ATP8A1: variants seen among roughly 807,000 people sequenced by gnomAD.
ATP8A1 encodes ATPase phospholipid transporting 8A1.
Under a neutral mutation model 177.7 loss-of-function variants are expected in ATP8A1, and 90 were observed. That is an observed-to-expected ratio of 0.51 (90% CI 0.43 to 0.60). The LOEUF (loss-of-function observed/expected upper bound fraction) is 0.60, where lower values mean the gene tolerates loss of function less well. Among genes scored for constraint, ATP8A1 ranks in the 20% least tolerant of loss-of-function variants. The pLI, the probability that ATP8A1 is intolerant of heterozygous loss-of-function variation, is 0.00. For synonymous variants in ATP8A1, 493 were observed against 485.9 expected (o/e 1.01, Z -0.19); for missense variants, 1,072 against 1,392.8 (o/e 0.77, Z 3.67).
At chr4:42,455,276 A>G (rs1718356399) in intron 29 of ATP8A1, 21 bp downstream of exon 29, 2 of 1,612,766 alleles carry the variant, frequency 1.2e-6, no homozygotes, top group Non-Finnish European at 1.7e-6. Flanking sequence ...AACATGTCCC[A>G]GCCAGGGCAC....
chr4:42,578,125 A>T, intron 12 of ATP8A1, 135 bp downstream of exon 12: 2 of 865,966 alleles, frequency 2.3e-6, no homozygotes, highest in Non-Finnish European at 3.2e-6. Flanking sequence ...ACTTTGCAAC[A>T]AATTAGGTTC....
At chr4:42,449,371 A>G (rs1717688015) in intron 30 of ATP8A1, among the ~76,000 whole-genome samples, 1 of 152,246 alleles carries the variant, frequency 6.6e-6, no homozygotes, top group African/African-American at 2.4e-5. Flanking sequence ...AACCTAGTGC[A>G]TGACGGTGAA....
chr4:42,538,307 T>C (rs915941324), intron 20 of ATP8A1, among the ~76,000 whole-genome samples: 3 of 152,102 alleles, frequency 2.0e-5, no homozygotes, highest in Non-Finnish European at 4.4e-5. Context: ...CCTGAAACCA[T>C]AAAAACTCTA....
chr4:42,455,412 G>C lies in ATP8A1; in HGVS notation c.2702C>G (p.Thr901Arg). ...TCCAAGAGTTAAAGGAGGCATTGCT[G>C]TAAACATCTAAAGCGCACAAACTGG... Reference protein sequence around the residue: ...WCIGLYNVMFTAMPPLTLGIF... With the variant: ...WCIGLYNVMFRAMPPLTLGIF... The change falls in exon 29 of 37, where the codon ACA becomes AGA. Residue 901 changes from threonine (T) to arginine (R), a missense_variant. By Grantham distance (71) the Thr-to-Arg change is moderately conservative. Around this residue, in one of 5 missense-constraint regions of ATP8A1, gnomAD observed 316 missense variants for 459.1 expected, o/e 0.69. Transcript: ENST00000381668. 1 of 1,613,892 alleles carries C rather than the reference G, an allele frequency of 6.2e-7. No individual in the cohort carries two copies. The highest frequency in any genetic ancestry group is 8.5e-7 in the Non-Finnish European group (1 of 1,179,806).
chr4:42,636,154 A>ACGCGCGCGCGTGCGCG, intron 1 of ATP8A1, among the ~76,000 whole-genome samples: 1 of 47,540 alleles, frequency 2.1e-5, no homozygotes, highest in South Asian at 7.5e-4. Flanking sequence ...ACACACACAC[A>ACGCGCGCGCGTGCGCG]CACGCACACA....
intron 1 of ATP8A1, among the ~76,000 whole-genome samples, chr4:42,642,047 CT>C (rs2109550438): frequency 6.6e-6 from 1 of 152,130 alleles, no homozygotes; most frequent in African/African-American, 2.4e-5. Flanking sequence ...AAACTAAAGT[CT>C]TCCTGCCCAT....
intron 24 of ATP8A1, among the ~76,000 whole-genome samples, chr4:42,488,626 G>A (rs10517036): frequency 0.2 from 29,904 of 152,134 alleles, 3,133 homozygotes; most frequent in Non-Finnish European, 0.23. Flanking sequence ...ACACAATAAA[G>A]TCTAAACTCC....
chr4:42,604,446 C>T (rs1425077539), intron 5 of ATP8A1, among the ~76,000 whole-genome samples: 1 of 145,996 alleles, frequency 6.8e-6, no homozygotes, highest in Non-Finnish European at 1.5e-5. Flanking sequence ...TCAGTAAGTA[C>T]TAACTGGGTG....
At chr4:42,574,023 T>C (rs188615902) in intron 14 of ATP8A1, among the ~76,000 whole-genome samples, 5 of 152,350 alleles carry the variant, frequency 3.3e-5, no homozygotes, top group Admixed American at 2.6e-4. Context: ...ATGGAACAGC[T>C]TGTAAGCATA....
intron 24 of ATP8A1, among the ~76,000 whole-genome samples, chr4:42,492,362 A>G (rs1338163820): frequency 1.3e-5 from 2 of 152,180 alleles, no homozygotes; most frequent in African/African-American, 4.8e-5. Context: ...ATGTATTTCT[A>G]TTATGGAATG....
chr4:42,507,237 A>C, intron 22 of ATP8A1, 83 bp from the exon 23 acceptor site: 1 of 1,350,084 alleles, frequency 7.4e-7, no homozygotes, highest in Non-Finnish European at 1.0e-6. Context: ...TATATGTTTT[A>C]AAATCAGAGA....
At chr4:42,466,031 CAAAAAAAAAAAAAA>C (rs57949092) in intron 25 of ATP8A1, among the ~76,000 whole-genome samples, 33 of 108,106 alleles carry the variant, frequency 3.1e-4, no homozygotes, top group South Asian at 3.2e-4. Context: ...GACTCCGTCT[CAAAAAAAAAAAAAA>C]AAAAAAAAAA....
chr4:42,552,754 G>A (rs559891285), intron 16 of ATP8A1, 144 bp from the exon 17 acceptor site: 30 of 540,726 alleles, frequency 5.5e-5, no homozygotes, highest in Middle Eastern at 4.7e-4. Context: ...TTGGGAGGCC[G>A]AGGCGGGTGG....
intron 1 of ATP8A1, among the ~76,000 whole-genome samples, chr4:42,654,754 A>G (rs1326250643): frequency 6.6e-6 from 1 of 152,240 alleles, no homozygotes; most frequent in African/African-American, 2.4e-5. Flanking sequence ...TCTGAGTCAC[A>G]TAAGAATTGG....
chr4:42,639,402 T>G (rs570607810), intron 1 of ATP8A1, among the ~76,000 whole-genome samples: 1 of 152,322 alleles, frequency 6.6e-6, no homozygotes, highest in East Asian at 1.9e-4. Flanking sequence ...CTGCCTAGAA[T>G]AGATGATACA....
intron 25 of ATP8A1, among the ~76,000 whole-genome samples, chr4:42,483,423 T>C (rs1721892610): frequency 6.7e-6 from 1 of 149,994 alleles, no homozygotes; most frequent in Non-Finnish European, 1.5e-5. Flanking sequence ...ACTCAGTGTC[T>C]GCGTAGGGAC....
intron 20 of ATP8A1, among the ~76,000 whole-genome samples, chr4:42,532,883 C>T (rs1727419368): frequency 6.6e-6 from 1 of 152,226 alleles, no homozygotes; most frequent in Admixed American, 6.5e-5. Context: ...TTCTCCCTCA[C>T]CCTTAAGAAG....
intron 12 of ATP8A1, among the ~76,000 whole-genome samples, chr4:42,576,512 T>C (rs1014051137): frequency 2.1e-5 from 2 of 96,906 alleles, no homozygotes; most frequent in Admixed American, 1.1e-4. Flanking sequence ...AAAAAGAGCA[T>C]AGTTTTTTAC....
At chr4:42,432,671 T>C (rs1322876490) in intron 33 of ATP8A1, among the ~76,000 whole-genome samples, 1 of 152,202 alleles carries the variant, frequency 6.6e-6, no homozygotes, top group Admixed American at 6.5e-5. Context: ...CCTTGTACTT[T>C]AACCAGAGAC....
Sources: gnomAD v4.1 joint callset for allele counts (sites outside exome capture counted in the v4.1 genomes callset) on GRCh38, gnomAD v4.1.1 for gene constraint, gnomAD v4.1.1 regional missense constraint, MANE v1.5 for transcripts, NCBI Gene and HGNC (gene_info 2026-07-23, HGNC 2026-07-21) for gene names.